Variants in TEAD3 observed in about 807,000 individuals in gnomAD.
TEAD3 encodes the protein transcriptional enhancer factor TEF-5.
Under a neutral mutation model 55.6 loss-of-function variants are expected in TEAD3, and 15 were observed. The ratio of observed to expected loss-of-function variants is 0.27; its 90% confidence interval spans 0.18 to 0.42. TEAD3 has a LOEUF of 0.42. TEAD3 is among the 10% of genes least tolerant of loss of function. The pLI is 1.00. For missense variants in TEAD3, 407 were observed against 576.8 expected, an observed-to-expected ratio of 0.71 and a Z score of 3.01; for synonymous variants, 210 against 232.2, an observed-to-expected ratio of 0.90 and a Z score of 0.87.
Position 35,487,014 on chromosome 6 carries a change from A to G in TEAD3, c.-49-303T>C, listed in dbSNP as rs150290265. 8.6e-3 allele frequency among the ~76,000 whole-genome samples: 1,312 copies of G among 152,332 alleles called. 11 individuals are homozygous for G. The highest frequency in any genetic ancestry group is 0.044 in the Middle Eastern group (13 of 294). On this transcript the variant is annotated intron_variant, in intron 1 of 12. Transcript: ENST00000639578. The stretch of plus-strand genomic sequence containing the variant: ...AATGTAAATGAGCTCATGACAAAGT[A>G]CCAACCACATGCCCAGCTCATAATA...
At chr6:35,489,987 G>C (rs1424059816) in intron 1 of TEAD3, among the ~76,000 whole-genome samples, 1 of 152,152 alleles carries the variant, frequency 6.6e-6, no homozygotes. Context: ...GGGATGCAGG[G>C]CCTGTCCACA....
rs1768520943 is a variant in TEAD3, at chr6:35,491,608, T to C, written c.-49-4897A>G. Among the ~76,000 whole-genome samples, 2 of 152,166 alleles carry C rather than the reference T, an allele frequency of 1.3e-5. No individual in the cohort carries two copies. The highest frequency in any genetic ancestry group is 2.9e-5 in the Non-Finnish European group (2 of 68,016). On this transcript the variant is annotated intron_variant, in intron 1 of 12. Coordinates refer to ENST00000639578, the Ensembl canonical transcript of TEAD3. The surrounding 1 kb of genome is among the most constrained non-coding windows in gnomAD (Gnocchi z 4.4). ...CCCATCTGCCTCTGCAGAGGAGTCC[T>C]GTTGTACCTGTCCTGCAAACCCGCC...
chr6:35,475,536 CCCA>C lies in TEAD3; in HGVS notation c.1041+27_1041+29del. ...GTCACTCGGCCTGCCTGCTCCCAGC[CCCA>C]CCAAGCCACCCAGAGCCCCCACTCA... is the stretch of plus-strand genomic sequence containing the variant. On this transcript the variant is annotated intron_variant, in intron 11 of 12. Transcript: ENST00000639578. This position sits in a 1 kb window ranked among gnomAD's most constrained non-coding sequence, Gnocchi z 5.4. 1 of 1,604,048 alleles carries C rather than the reference CCCA, an allele frequency of 6.2e-7. No homozygotes were observed. The highest frequency in any genetic ancestry group is 8.5e-7 in the Non-Finnish European group (1 of 1,173,030).
chr6:35,475,318 C>T lies in TEAD3; in HGVS notation c.1194+18G>A. On this transcript the variant is annotated intron_variant, in intron 12 of 12. Coordinates refer to ENST00000639578, the Ensembl canonical transcript of TEAD3. The surrounding 1 kb of genome is among the most constrained non-coding windows in gnomAD (Gnocchi z 5.4). ...CCCTGGCCTGTGGGACTCCCCACGA[C>T]CCCTGCTGCCCCCATACCTGCAGGA... is the stretch of plus-strand genomic sequence containing the variant. 1 of 1,610,956 alleles carries T rather than the reference C, an allele frequency of 6.2e-7. No individual in the cohort carries two copies. The highest frequency in any genetic ancestry group is 1.1e-5 in the South Asian group (1 of 90,756).
In TEAD3 at chr6:35,478,583, A is replaced by T; in HGVS notation, c.343-12T>A. 6.3e-7 allele frequency: 1 copy of T among 1,576,018 alleles called. No homozygotes were observed. Among genetic ancestry groups the T allele is most frequent in the Non-Finnish European group, 8.6e-7 (1 of 1,161,192 alleles). ...TTGGAGACCTGGTCCTGGGGAGAGG[A>T]GGCTGCATGAAGCCAGGGCCACGCT... is the stretch of plus-strand genomic sequence containing the variant. On this transcript the variant is annotated splice_polypyrimidine_tract_variant and intron_variant, in intron 5 of 12. Coordinates refer to ENST00000639578, the Ensembl canonical transcript of TEAD3.
At chr6:35,493,609 C>T (rs180834485) in intron 1 of TEAD3, among the ~76,000 whole-genome samples, 2 of 152,342 alleles carry the variant, frequency 1.3e-5, no homozygotes, top group Admixed American at 6.5e-5. Flanking sequence ...TGACACAGAG[C>T]TGGTCATGTT....
intron 1 of TEAD3, among the ~76,000 whole-genome samples, chr6:35,494,769 G>A (rs892088427): frequency 6.6e-6 from 1 of 151,980 alleles, no homozygotes; most frequent in Non-Finnish European, 1.5e-5. Context: ...CCACCCAAGC[G>A]GCCTCTGAGC....
chr6:35,488,844 C>T lies in TEAD3; in HGVS notation c.-49-2133G>A, dbSNP rs934975045. Among the ~76,000 whole-genome samples, 3 of 152,210 alleles carry T rather than the reference C, an allele frequency of 2.0e-5. No individual in the cohort carries two copies. The highest frequency in any genetic ancestry group is 6.5e-5 in the Admixed American group (1 of 15,286). On this transcript the variant is annotated intron_variant, in intron 1 of 12. Coordinates refer to ENST00000639578, the Ensembl canonical transcript of TEAD3. This position sits in a 1 kb window ranked among gnomAD's most constrained non-coding sequence, Gnocchi z 4.2. ...GTTCAAGCGATTCTCCTGCCTCAGACTCCCATGCAGCCTCCCCCCTCAGCA... is the reference window on the plus strand; with the variant it reads ...GTTCAAGCGATTCTCCTGCCTCAGATTCCCATGCAGCCTCCCCCCTCAGCA...
chr6:35,475,758 C>A lies in TEAD3; in HGVS notation c.901-52G>T. On this transcript the variant is annotated intron_variant, in intron 10 of 12. Transcript: ENST00000639578. The surrounding 1 kb of genome is among the most constrained non-coding windows in gnomAD (Gnocchi z 5.4). Reference sequence around the variant, plus strand: ...GTGCTGGCAGAGACCAGAAGTATTCCCGCCACACCACATCAGAGTCCTGCC... The same window carrying A: ...GTGCTGGCAGAGACCAGAAGTATTCACGCCACACCACATCAGAGTCCTGCC... 6.5e-7 allele frequency: 1 copy of A among 1,528,222 alleles called. No individual in the cohort carries two copies. Among genetic ancestry groups the A allele is most frequent in the Non-Finnish European group, 8.8e-7 (1 of 1,138,842 alleles). 94.7% of individuals were successfully genotyped at this position (1,528,222 alleles called of 1,614,324 possible).
intron 9 of TEAD3, 42 bp downstream of exon 9, chr6:35,476,260 C>T (rs1180870198): frequency 2.5e-6 from 4 of 1,598,834 alleles, no homozygotes; most frequent in African/African-American, 1.3e-5. Context: ...CCGGCCTCTC[C>T]ACAATTGTGC....
chr6:35,493,351 A>T (rs6925503), intron 1 of TEAD3, among the ~76,000 whole-genome samples: 43,209 of 151,980 alleles, frequency 0.28, 7,378 homozygotes, highest in Middle Eastern at 0.39. Flanking sequence ...GGCCCCCAAA[A>T]GCATCCCACA....
At position 35,479,987 on chromosome 6, in the gene TEAD3, G is replaced by A. The variant is rs755974634; in HGVS notation, c.330+73C>T. On this transcript the variant is annotated intron_variant, in intron 4 of 12. Transcript: ENST00000639578. ...AGCCCCTTGCCTGTCCCAGGCTGGA[G>A]CCACAGAGCAGCGACAGGCCTGCAC... The A allele has an allele frequency of 1.3e-4, 177 of 1,313,700 alleles. No individual in the cohort carries two copies. The Middle Eastern group carries it at 2.7e-3, about 20-fold the overall frequency. 81.4% of individuals were successfully genotyped at this position (1,313,700 alleles called of 1,614,324 possible).
Position 35,484,437 on chromosome 6 carries a change from G to C in TEAD3, c.267+123C>G. 1 of 884,864 alleles carries C rather than the reference G, an allele frequency of 1.1e-6. No homozygotes were observed. The highest frequency in any genetic ancestry group is 1.5e-5 in the South Asian group (1 of 65,388). 54.8% of individuals were successfully genotyped at this position (884,864 alleles called of 1,614,324 possible). ...GGGTAAGGGGAGTGTGATGAGGCAAGGAGGGTGGCAGTCCAGGTCAGGGGC... is the reference window on the plus strand; with the variant it reads ...GGGTAAGGGGAGTGTGATGAGGCAACGAGGGTGGCAGTCCAGGTCAGGGGC... On this transcript the variant is annotated intron_variant, in intron 3 of 12. Transcript: ENST00000639578. The surrounding 1 kb of genome is among the most constrained non-coding windows in gnomAD (Gnocchi z 5.8).
At position 35,475,285 on chromosome 6, in the gene TEAD3, C is replaced by T; in HGVS notation, c.1194+51G>A. 4 of 1,607,466 alleles carry T rather than the reference C, an allele frequency of 2.5e-6. No individual in the cohort carries two copies. The highest frequency in any genetic ancestry group is 3.4e-6 in the Non-Finnish European group (4 of 1,175,914). ...CCAAGCGATGTGTCTGGCTACCCAACTTGGAGGCCCTGGCCTGTGGGACTC... is the reference window on the plus strand; with the variant it reads ...CCAAGCGATGTGTCTGGCTACCCAATTTGGAGGCCCTGGCCTGTGGGACTC... On this transcript the variant is annotated intron_variant, in intron 12 of 12. Transcript: ENST00000639578. This position sits in a 1 kb window ranked among gnomAD's most constrained non-coding sequence, Gnocchi z 5.4.
At chr6:35,494,994 G>A (rs1768610690) in intron 1 of TEAD3, among the ~76,000 whole-genome samples, 1 of 152,136 alleles carries the variant, frequency 6.6e-6, no homozygotes, top group Non-Finnish European at 1.5e-5. Context: ...ACCCCACCAA[G>A]TTCAGGTTCC....
At chr6:35,489,418 TGA>T (rs1768456422) in intron 1 of TEAD3, among the ~76,000 whole-genome samples, 2 of 152,158 alleles carry the variant, frequency 1.3e-5, no homozygotes, top group African/African-American at 4.8e-5. Flanking sequence ...CCCCACCACC[TGA>T]GAGAGAAAGG....
Position 35,488,737 on chromosome 6 carries a change from T to A in TEAD3, c.-49-2026A>T, listed in dbSNP as rs1376541273. Among the ~76,000 whole-genome samples the A allele has an allele frequency of 6.6e-6, 1 of 152,180 alleles. No individual in the cohort carries two copies. Among genetic ancestry groups the A allele is most frequent in the South Asian group, 2.1e-4 (1 of 4,826 alleles). On this transcript the variant is annotated intron_variant, in intron 1 of 12. Coordinates refer to ENST00000639578, the Ensembl canonical transcript of TEAD3. The surrounding 1 kb of genome is among the most constrained non-coding windows in gnomAD (Gnocchi z 4.2). ...TTTTAAATTTTTTATTTGTTTTTTATTTTTTAGACGGAGTCTTGCTCTGTC... is the reference window on the plus strand; with the variant it reads ...TTTTAAATTTTTTATTTGTTTTTTAATTTTTAGACGGAGTCTTGCTCTGTC...
rs200643703 is a variant in TEAD3 at position 35,475,381 on chromosome 6, C to G, written c.1149G>C (p.Glu383Asp). Residue 383 changes from glutamate to aspartate, a missense_variant, in exon 12 of 13, where the codon GAG becomes GAC. Transcript: ENST00000639578. The surrounding 1 kb of genome is among the most constrained non-coding windows in gnomAD (Gnocchi z 5.4). Reference sequence around the variant, plus strand: ...CCAGCACGCTGTTCATCATGTACTTCTCGGGCAGGTGCTTCAGCTTGTGGA... The same window carrying G: ...CCAGCACGCTGTTCATCATGTACTTGTCGGGCAGGTGCTTCAGCTTGTGGA... The G allele has an allele frequency of 8.1e-6, 13 of 1,614,130 alleles. No individual in the cohort carries two copies. In the Admixed American group the frequency reaches 2.0e-4, roughly 25 times the overall value.
At chr6:35,473,655 A>G (rs1391011820), downstream of TEAD3, 3 of 134,482 alleles carry the variant, frequency 2.2e-5, no homozygotes, top group African/African-American at 3.1e-5. Context: ...TTTTTTGAGC[A>G]GGAGCTGGGC....
Sources: allele counts gnomAD v4.1 joint callset (sites outside exome capture counted in the v4.1 genomes callset), GRCh38; gene constraint gnomAD v4.1.1; non-coding constraint Gnocchi (gnomAD v3.1); transcripts MANE v1.5; gene names NCBI Gene and HGNC (gene_info 2026-07-23, HGNC 2026-07-21).